The following CNTN1 variants were observed in gnomAD, a reference collection of about 807,000 sequenced individuals.
CNTN1 encodes contactin 1.
Under a neutral mutation model 126.4 loss-of-function variants are expected in CNTN1, and 38 were observed. The ratio of observed to expected loss-of-function variants is 0.30; its 90% CI spans 0.23 to 0.39. The LOEUF is 0.39. Among genes scored for constraint, CNTN1 ranks in the 10% least tolerant of loss-of-function variants. The pLI is 1.00. For synonymous variants in CNTN1, 413 were observed against 422.6 expected, an observed-to-expected ratio of 0.98 and a Z score of 0.28; for missense variants, 1,009 against 1,248.4, an observed-to-expected ratio of 0.81 and a Z score of 2.89.
At chr12:40,831,376 A>G (rs1941834659) in intron 1 of CNTN1, among the ~76,000 whole-genome samples, 1 of 151,976 alleles carries the variant, frequency 6.6e-6, no homozygotes, top group African/African-American at 2.4e-5. Context: ...GACAACAAGA[A>G]AATTTCCCAT....
intron 23 of CNTN1, among the ~76,000 whole-genome samples, chr12:41,048,838 CG>C (rs1194340956): frequency 3.9e-5 from 6 of 152,128 alleles, no homozygotes; most frequent in South Asian, 4.2e-4. Context: ...CAGTAACTAA[CG>C]CATGTTCTAT....
At chr12:40,907,231 C>T (rs1269700983) in intron 1 of CNTN1, among the ~76,000 whole-genome samples, 4 of 152,084 alleles carry the variant, frequency 2.6e-5, no homozygotes, top group Admixed American at 6.6e-5. Flanking sequence ...CCCTGCCTAC[C>T]GCAGGAAGGC....
At chr12:40,747,001 C>T (rs1284443675) in intron 1 of CNTN1, among the ~76,000 whole-genome samples, 1 of 152,062 alleles carries the variant, frequency 6.6e-6, no homozygotes, top group African/African-American at 2.4e-5. Context: ...GGTTGCCTGA[C>T]ATTCCTGGTG....
At chr12:40,766,227 T>C (rs1441560263) in intron 1 of CNTN1, among the ~76,000 whole-genome samples, 7 of 151,824 alleles carry the variant, frequency 4.6e-5, no homozygotes, top group Non-Finnish European at 8.8e-5. Context: ...CATGGTGACA[T>C]GTGCCTGTAA....
intron 1 of CNTN1, among the ~76,000 whole-genome samples, chr12:40,833,456 A>T (rs1218668211): frequency 6.6e-6 from 1 of 152,164 alleles, no homozygotes; most frequent in Non-Finnish European, 1.5e-5. Flanking sequence ...AAACCTAAAT[A>T]ATAAAACCTA....
At chr12:40,966,388 T>C (rs1488463070) in intron 15 of CNTN1, among the ~76,000 whole-genome samples, 2 of 152,048 alleles carry the variant, frequency 1.3e-5, no homozygotes, top group African/African-American at 4.8e-5. Flanking sequence ...AATGCATCCA[T>C]TGATAGCAAA....
At chr12:40,997,174 G>A (rs560521743) in intron 17 of CNTN1, among the ~76,000 whole-genome samples, 1 of 152,190 alleles carries the variant, frequency 6.6e-6, no homozygotes, top group Admixed American at 6.5e-5. Context: ...TTTGACTGTA[G>A]AAAAGAGATA....
intron 1 of CNTN1, among the ~76,000 whole-genome samples, chr12:40,697,725 G>A (rs941480920): frequency 5.3e-5 from 8 of 152,248 alleles, no homozygotes; most frequent in Admixed American, 2.0e-4. Flanking sequence ...ATCCCAGTGC[G>A]AAATGGCTCT....
intron 17 of CNTN1, among the ~76,000 whole-genome samples, chr12:40,996,178 T>A (rs1948210816): frequency 6.6e-6 from 1 of 152,046 alleles, no homozygotes; most frequent in Non-Finnish European, 1.5e-5. Context: ...GGCTCTTTTT[T>A]TGGAGTGCAG....
chr12:40,759,431 C>T (rs1307399471), intron 1 of CNTN1, among the ~76,000 whole-genome samples: 3 of 150,978 alleles, frequency 2.0e-5, no homozygotes, highest in African/African-American at 7.3e-5. Context: ...TTCTCCCTCC[C>T]CTCCCCTCCC....
intron 1 of CNTN1, among the ~76,000 whole-genome samples, chr12:40,706,111 T>G (rs899499281): frequency 6.6e-6 from 1 of 150,466 alleles, no homozygotes; most frequent in Non-Finnish European, 1.5e-5. Flanking sequence ...TATATATATA[T>G]AGATATATAG....
intron 1 of CNTN1, among the ~76,000 whole-genome samples, chr12:40,904,938 C>CTGAAA (rs1944756215): frequency 6.6e-6 from 1 of 152,190 alleles, no homozygotes; most frequent in African/African-American, 2.4e-5. Flanking sequence ...TGAATACTTT[C>CTGAAA]AGTCAACATT....
intron 14 of CNTN1, among the ~76,000 whole-genome samples, chr12:40,957,844 A>G (rs1353171580): frequency 1.3e-5 from 2 of 151,934 alleles, no homozygotes; most frequent in African/African-American, 4.8e-5. Flanking sequence ...AACTATACCA[A>G]TATGCTCTCT....
chr12:41,059,253 A>G (rs985590411), intron 23 of CNTN1, among the ~76,000 whole-genome samples: 1 of 152,102 alleles, frequency 6.6e-6, no homozygotes, highest in Admixed American at 6.6e-5. Context: ...TGAATCACTC[A>G]TTTGTCATAG....
chr12:40,768,612 T>C (rs1032295563), intron 1 of CNTN1, among the ~76,000 whole-genome samples: 5 of 152,202 alleles, frequency 3.3e-5, no homozygotes, highest in African/African-American at 1.2e-4. Flanking sequence ...GATCACCGTG[T>C]TCCATGCCAC....
At chr12:40,934,159 C>G (rs1234665632) in intron 9 of CNTN1, among the ~76,000 whole-genome samples, 1 of 151,936 alleles carries the variant, frequency 6.6e-6, no homozygotes, top group Non-Finnish European at 1.5e-5. Flanking sequence ...AGTTTGTTTA[C>G]TCATTTTATC....
chr12:40,850,299 A>C (rs1942670375), intron 1 of CNTN1, among the ~76,000 whole-genome samples: 1 of 152,108 alleles, frequency 6.6e-6, no homozygotes. Context: ...ATTTGGCTTG[A>C]AGTTTCTATA....
At chr12:40,908,840 G>A (rs1944927771) in intron 2 of CNTN1, among the ~76,000 whole-genome samples, 1 of 152,024 alleles carries the variant, frequency 6.6e-6, no homozygotes, top group South Asian at 2.1e-4. Flanking sequence ...ATGTGCAACC[G>A]CTCACCAGTC....
intron 1 of CNTN1, among the ~76,000 whole-genome samples, chr12:40,720,847 C>T (rs141726138): frequency 0.043 from 6,555 of 151,686 alleles, 289 homozygotes; most frequent in African/African-American, 0.12. Context: ...GGGAATCCCT[C>T]GAACCAGGGA....
Sources: allele counts gnomAD v4.1 joint callset (sites outside exome capture counted in the v4.1 genomes callset), GRCh38; gene constraint gnomAD v4.1.1; transcripts MANE v1.5; gene names NCBI Gene and HGNC (gene_info 2026-07-23, HGNC 2026-07-21).